DYNAP: variants seen among roughly 807,000 people sequenced by gnomAD.
DYNAP encodes the protein dynactin-associated protein.
Under a neutral mutation model 8.5 loss-of-function variants are expected in DYNAP, and 7 were observed. The ratio of observed to expected loss-of-function variants is 0.82; its 90% CI spans 0.47 to 1.54. DYNAP has a LOEUF of 1.54. DYNAP is among the 40% of genes most tolerant of loss of function. The pLI, the probability that DYNAP is intolerant of heterozygous loss-of-function variation, is 0.01. For synonymous variants in DYNAP, 77 were observed against 77.9 expected (o/e 0.99, Z 0.06); for missense variants, 256 against 224.3 (o/e 1.14, Z -0.90).
rs1339917965 is a variant in DYNAP, at chr18:54,597,843, A to G, written c.253A>G (p.Met85Val). The change falls in exon 3 of 3, where the codon ATG becomes GTG. Residue 85 changes from methionine to valine, a missense_variant. By Grantham distance (21) the Met-to-Val change is conservative. Coordinates refer to ENST00000648945, the MANE Select transcript of DYNAP (RefSeq NM_173629.3). The stretch of plus-strand genomic sequence containing the variant: ...AGAATATTGCCGCAATGACTGGTCT[A>G]TGTGGAAAGTCTTCCTGGCTTGTCT... The part of the protein sequence containing the change: ...VKEYCRNDWS[M>V]WKVFLACLLA... The G allele has an allele frequency of 8.7e-6, 14 of 1,612,424 alleles. No homozygotes were observed. The highest frequency in any genetic ancestry group is 1.3e-5 in the African/African-American group (1 of 75,004).
upstream of DYNAP, chr18:54,587,710 T>C: frequency 5.1e-6 from 2 of 393,664 alleles, no homozygotes; most frequent in Non-Finnish European, 4.5e-6. Flanking sequence ...AGGGATTGTA[T>C]ATCCATATTC....
rs147502271 is a variant in DYNAP, at chr18:54,596,597, T to C, written c.223-1216T>C. On this transcript the variant is annotated intron_variant, in intron 2 of 2. Transcript: ENST00000648945. ...AATCATTTAACAATTAGGGAAAATA[T>C]GGCTCAGGAAAGTTTAGAGAGTTGC... Among the ~76,000 whole-genome samples, 4 of 152,278 alleles carry C rather than the reference T, an allele frequency of 2.6e-5. No homozygotes were observed. In the East Asian group the frequency reaches 7.7e-4, roughly 29 times the overall value.
intron 2 of DYNAP, 56 bp from the exon 3 acceptor site, chr18:54,597,757 G>T: frequency 6.6e-7 from 1 of 1,519,748 alleles, no homozygotes; most frequent in Non-Finnish European, 8.9e-7. Flanking sequence ...TAAAAGAGAT[G>T]ATAAATTACA....
the DYNAP span, among the ~76,000 whole-genome samples, chr18:54,578,138 G>A: frequency 6.6e-6 from 1 of 152,124 alleles, no homozygotes; most frequent in African/African-American, 2.4e-5. Context: ...GGTCATCCTA[G>A]GCTTGAAAGA....
intron 1 of DYNAP, among the ~76,000 whole-genome samples, chr18:54,592,411 TTTTAC>T (rs944008322): frequency 3.3e-5 from 5 of 152,096 alleles, no homozygotes; most frequent in Non-Finnish European, 4.4e-5. Context: ...TGACTAAATA[TTTTAC>T]TTTATTATAT....
the DYNAP span, among the ~76,000 whole-genome samples, chr18:54,578,541 C>T: frequency 6.6e-6 from 1 of 152,128 alleles, no homozygotes; most frequent in Non-Finnish European, 1.5e-5. Context: ...TGAAGTTAAA[C>T]TTGTGATACT....
At chr18:54,579,859 AC>A in the DYNAP span, among the ~76,000 whole-genome samples, 5 of 152,302 alleles carry the variant, frequency 3.3e-5, no homozygotes, top group African/African-American at 7.2e-5. Context: ...GATCATGTTG[AC>A]CTTTTCTTGG....
At chr18:54,575,816 C>G in the DYNAP span, among the ~76,000 whole-genome samples, 1 of 152,122 alleles carries the variant, frequency 6.6e-6, no homozygotes, top group Non-Finnish European at 1.5e-5. Flanking sequence ...CACACACACA[C>G]ACGCACACAT....
At chr18:54,590,594 C>G (rs772664965), upstream of DYNAP, among the ~76,000 whole-genome samples, 33 of 152,108 alleles carry the variant, frequency 2.2e-4, no homozygotes, top group Non-Finnish European at 4.4e-4. Flanking sequence ...ACTTTTGAAA[C>G]AGTATTCTCA....
At chr18:54,587,610 T>A, upstream of DYNAP, 1 of 349,822 alleles carries the variant, frequency 2.9e-6, no homozygotes, top group African/African-American at 2.1e-5. Context: ...TTCTTGTTTA[T>A]ATTAATTTTT....
At chr18:54,584,831 T>A (rs1455173398), upstream of DYNAP, among the ~76,000 whole-genome samples, 1 of 152,190 alleles carries the variant, frequency 6.6e-6, no homozygotes, top group Non-Finnish European at 1.5e-5. Context: ...AGTTGCAATA[T>A]TTCTTAATGC....
Position 54,596,477 on chromosome 18 carries a change from T to TG in DYNAP, c.223-1330dup, listed in dbSNP as rs1485896354. ...CCCAGACTAATTAAATCAGAAACTC[T>TG]GGGGGGTGGGGCCCATACAACAATG... is the stretch of plus-strand genomic sequence containing the variant. On this transcript the variant is annotated intron_variant, in intron 2 of 2. Coordinates refer to ENST00000648945, the MANE Select transcript of DYNAP (RefSeq NM_173629.3). Among the ~76,000 whole-genome samples the TG allele has an allele frequency of 2.0e-5, 3 of 152,122 alleles. No individual in the cohort carries two copies. The East Asian group carries it at 5.8e-4, about 29-fold the overall frequency.
upstream of DYNAP, among the ~76,000 whole-genome samples, chr18:54,582,993 C>T (rs762838566): frequency 7.9e-5 from 12 of 152,126 alleles, no homozygotes; most frequent in Non-Finnish European, 1.3e-4. Flanking sequence ...CTTTTTAATA[C>T]ACGTTTCATT....
Position 54,594,928 on chromosome 18 carries a change from T to A in DYNAP, c.58-11T>A, listed in dbSNP as rs750289160. 4 of 1,606,680 alleles carry A rather than the reference T, an allele frequency of 2.5e-6. No individual in the cohort carries two copies. In the Admixed American group the frequency reaches 6.7e-5, roughly 27 times the overall value. On this transcript the variant is annotated splice_polypyrimidine_tract_variant and intron_variant, in intron 1 of 2. Coordinates refer to ENST00000648945, the MANE Select transcript of DYNAP (RefSeq NM_173629.3). ...CTAGGCTTCCTACTCACTTCCACTC[T>A]GCCTTTGTAGCCAATCACACATCCA...
chr18:54,578,226 A>T, the DYNAP span, among the ~76,000 whole-genome samples: 2 of 152,190 alleles, frequency 1.3e-5, no homozygotes, highest in African/African-American at 4.8e-5. Context: ...TGTCTATGGG[A>T]TGATAGCAAG....
rs908720498 is a variant in DYNAP at position 54,598,764 on chromosome 18, T to G, written c.*619T>G. On this transcript the variant is annotated 3_prime_UTR_variant, in exon 3 of 3. Coordinates refer to ENST00000648945, the MANE Select transcript of DYNAP (RefSeq NM_173629.3). ...CTCCACATTCTGTAGAGAATATCCTTTCCCCTTTGTTTTCCTTCCTTTCTT... is the reference window on the plus strand; with the variant it reads ...CTCCACATTCTGTAGAGAATATCCTGTCCCCTTTGTTTTCCTTCCTTTCTT... 4 of 152,218 alleles carry G rather than the reference T, an allele frequency of 2.6e-5. No homozygotes were observed. The highest frequency in any genetic ancestry group is 6.6e-5 in the Admixed American group (1 of 15,260). 9.4% of individuals were successfully genotyped at this position (152,218 alleles called of 1,614,324 possible).
At chr18:54,581,583 G>A in the DYNAP span, among the ~76,000 whole-genome samples, 1 of 152,140 alleles carries the variant, frequency 6.6e-6, no homozygotes, top group South Asian at 2.1e-4. Context: ...TATCTTACTG[G>A]TGGGTTTGGT....
At chr18:54,587,845 A>G (rs563786557), upstream of DYNAP, 26 of 400,710 alleles carry the variant, frequency 6.5e-5, no homozygotes, top group Admixed American at 1.3e-4. Flanking sequence ...AAGTCACCCA[A>G]AAATGGAATA....
rs1640702845 is a variant in DYNAP at position 54,595,345 on chromosome 18, T to C, written c.222+242T>C. On this transcript the variant is annotated intron_variant, in intron 2 of 2. Transcript: ENST00000648945. The stretch of plus-strand genomic sequence containing the variant: ...TAATCGGGGACTCAAACATCTATAA[T>C]AGATAGAGAACATACATGAAAATCA... Among the ~76,000 whole-genome samples the C allele has an allele frequency of 2.6e-5, 4 of 152,068 alleles. No individual in the cohort carries two copies. In the South Asian group the frequency reaches 8.3e-4, roughly 32 times the overall value.
Sources: gnomAD v4.1 joint callset for allele counts (sites outside exome capture counted in the v4.1 genomes callset) on GRCh38, gnomAD v4.1.1 for gene constraint, MANE v1.5 for transcripts, NCBI Gene and HGNC (gene_info 2026-07-23, HGNC 2026-07-21) for gene names.